Variants in CTNNA1 observed in about 807,000 individuals in gnomAD.
The protein encoded by CTNNA1 is catenin alpha-1.
CTNNA1 carries 37 observed loss-of-function variants against 98.4 expected under a neutral mutation model. The observed-to-expected ratio is 0.38, with a 90% CI of 0.29 to 0.49. CTNNA1 has a LOEUF of 0.49. CTNNA1 is among the 20% of genes least tolerant of loss of function. The probability of loss-of-function intolerance (pLI) is 0.95; values close to 1 mark genes in which losing one functional copy is unlikely to be tolerated. For missense variants in CTNNA1, 761 were observed against 1,147.2 expected (o/e 0.66, Z 4.86); for synonymous variants, 404 against 413.2 (o/e 0.98, Z 0.27).
In CTNNA1 at chr5:138,783,173, T is replaced by C. The variant is rs534196043; in HGVS notation, c.106-4T>C. The C allele has an allele frequency of 1.3e-6, 2 of 1,566,790 alleles. No individual in the cohort carries two copies. The highest frequency in any genetic ancestry group is 1.7e-6 in the Non-Finnish European group (2 of 1,155,742). ...CAGTTTAATGTTAAAAATGAAACTT[T>C]TAGGTTACAACCCTTGTAAACACCA... On this transcript the variant is annotated splice_polypyrimidine_tract_variant and splice_region_variant and intron_variant, in intron 2 of 17. Coordinates refer to ENST00000302763, the MANE Select transcript of CTNNA1 (RefSeq NM_001903.5).
In CTNNA1 at chr5:138,932,691, C is replaced by T. The variant is rs61759501; in HGVS notation, c.2412C>T (p.Gly804=). Residue 804 remains glycine, a synonymous_variant, in exon 17 of 18, where the codon GGC becomes GGT. Coordinates refer to ENST00000302763, the MANE Select transcript of CTNNA1 (RefSeq NM_001903.5). ...TCAAGGCCGAGGTGCAGAATCTCGG[C>T]GGGGAGCTTGTTGTCTCTGGGGTAA... ...SKVKAEVQNL[G]GELVVSGVDS... The T allele has an allele frequency of 1.2e-5, 19 of 1,613,948 alleles. No homozygotes were observed. Among genetic ancestry groups the T allele is most frequent in the South Asian group, 3.3e-5 (3 of 91,072 alleles).
rs1760993459 is a variant in CTNNA1 at position 138,828,972 on chromosome 5, A to T, written c.1062+1254A>T. On this transcript the variant is annotated intron_variant, in intron 7 of 17. Transcript: ENST00000302763. Reference sequence around the variant, plus strand: ...AATCCCATCTCTACAAAAAATACAAAAGTTAACTGGGCATGGTGGCGCACG... The same window carrying T: ...AATCCCATCTCTACAAAAAATACAATAGTTAACTGGGCATGGTGGCGCACG... Among the ~76,000 whole-genome samples the T allele has an allele frequency of 2.0e-5, 3 of 152,164 alleles. No individual in the cohort carries two copies. The South Asian group carries it at 6.2e-4, about 32-fold the overall frequency.
intron 1 of CTNNA1, among the ~76,000 whole-genome samples, chr5:138,755,520 C>T (rs1041919522): frequency 6.6e-6 from 1 of 152,194 alleles, no homozygotes; most frequent in African/African-American, 2.4e-5. Context: ...GTCCTCCACA[C>T]CACTGATGTG....
chr5:138,866,205 A>T (rs1355889228), intron 7 of CTNNA1, among the ~76,000 whole-genome samples: 6 of 152,140 alleles, frequency 3.9e-5, no homozygotes, highest in African/African-American at 1.4e-4. Context: ...TTAATTAATT[A>T]AAAATGGCTG....
chr5:138,892,495 C>T (rs997699251), intron 9 of CTNNA1, among the ~76,000 whole-genome samples: 2 of 151,244 alleles, frequency 1.3e-5, no homozygotes, highest in Admixed American at 6.6e-5. Flanking sequence ...CCTGCTGTCA[C>T]GCCTGGCCAT....
rs759843354 is a variant in CTNNA1 at position 138,873,031 on chromosome 5, T to C, written c.1063-13181T>C. The C allele has an allele frequency of 3.1e-6, 5 of 1,607,600 alleles. No individual in the cohort carries two copies. Among genetic ancestry groups the C allele is most frequent in the South Asian group, 2.2e-5 (2 of 89,860 alleles). On this transcript the variant is annotated intron_variant, in intron 7 of 17. Transcript: ENST00000302763. The surrounding 1 kb of genome is among the most constrained non-coding windows in gnomAD (Gnocchi z 6.1). ...GATATTATACTTCACATTCTTTGTA[T>C]GGCAGCTGCTGACACTTGCACTGTC... is the stretch of plus-strand genomic sequence containing the variant.
intron 3 of CTNNA1, among the ~76,000 whole-genome samples, chr5:138,787,319 G>T (rs989645604): frequency 6.6e-6 from 1 of 152,118 alleles, no homozygotes; most frequent in Non-Finnish European, 1.5e-5. Context: ...ATACCCAGCT[G>T]AGGCAGGAGA....
At chr5:138,831,497 G>T (rs1333328117) in intron 7 of CTNNA1, among the ~76,000 whole-genome samples, 1 of 152,148 alleles carries the variant, frequency 6.6e-6, no homozygotes, top group East Asian at 1.9e-4. Context: ...TGTTCTGCCT[G>T]CCCAGGCCAG....
chr5:138,841,057 C>G (rs1762225714), intron 7 of CTNNA1, among the ~76,000 whole-genome samples: 1 of 152,042 alleles, frequency 6.6e-6, no homozygotes, highest in Admixed American at 6.6e-5. Context: ...AAAGTTGCCT[C>G]TTTGGTTGAT....
intron 5 of CTNNA1, among the ~76,000 whole-genome samples, chr5:138,822,086 T>C (rs1760104475): frequency 6.6e-6 from 1 of 152,206 alleles, no homozygotes. Flanking sequence ...GATTAAAATA[T>C]ATCCCTCATA....
chr5:138,914,646 T>C (rs967482569), intron 10 of CTNNA1, among the ~76,000 whole-genome samples: 4 of 151,936 alleles, frequency 2.6e-5, no homozygotes, highest in African/African-American at 9.7e-5. Flanking sequence ...GAGTCGTCTT[T>C]AGTCTGTTTT....
Position 138,887,505 on chromosome 5 carries a change from A to C in CTNNA1, c.1159A>C (p.Met387Leu), listed in dbSNP as rs1754335959. 1 of 1,606,596 alleles carries C rather than the reference A, an allele frequency of 6.2e-7. No individual in the cohort carries two copies. Among genetic ancestry groups the C allele is most frequent in the Non-Finnish European group, 8.5e-7 (1 of 1,177,300 alleles). ...DLRRQLRKAV[M>L]DHVSDSFLET... is the part of the protein sequence containing the mutation. Reference sequence around the variant, plus strand: ...TAATCATTAGCTCCGCAAAGCTGTCATGGACCACGTTTCAGATTCTTTCCT... The same window carrying C: ...TAATCATTAGCTCCGCAAAGCTGTCCTGGACCACGTTTCAGATTCTTTCCT... Residue 387 changes from methionine to leucine, a missense_variant, in exon 9 of 18, where the codon ATG becomes CTG. Around this residue, in one of 6 missense-constraint regions of CTNNA1, gnomAD observed 287 missense variants for 436.0 expected, o/e 0.66. Coordinates refer to ENST00000302763, the MANE Select transcript of CTNNA1 (RefSeq NM_001903.5).
In CTNNA1 at chr5:138,934,170, T is replaced by TACA. The variant is rs1554118978; in HGVS notation, c.*85_*87dup. ...TCGTCACTCAAATGAATTTGCTAAA[T>TACA]ACAACACTGATACTAGATTCCACAG... On this transcript the variant is annotated 3_prime_UTR_variant, in exon 18 of 18. Transcript: ENST00000302763. The TACA allele has an allele frequency of 3.8e-6, 4 of 1,039,750 alleles. No individual in the cohort carries two copies. Among genetic ancestry groups the TACA allele is most frequent in the African/African-American group, 3.2e-5 (2 of 63,330 alleles). 64.4% of individuals were successfully genotyped at this position (1,039,750 alleles called of 1,614,324 possible).
chr5:138,758,279 G>T (rs1206951678), intron 1 of CTNNA1, among the ~76,000 whole-genome samples: 1 of 152,082 alleles, frequency 6.6e-6, no homozygotes. Flanking sequence ...TTGGCTCCCT[G>T]CAACCTCCGC....
At chr5:138,816,314 A>G (rs566113897) in intron 5 of CTNNA1, among the ~76,000 whole-genome samples, 1 of 152,302 alleles carries the variant, frequency 6.6e-6, no homozygotes, top group East Asian at 1.9e-4. Flanking sequence ...TATCTTGGCT[A>G]TTGTGAATAG....
intron 9 of CTNNA1, among the ~76,000 whole-genome samples, chr5:138,903,888 C>T (rs1758612950): frequency 6.6e-6 from 1 of 152,130 alleles, no homozygotes; most frequent in South Asian, 2.1e-4. Flanking sequence ...TTAAATTAAG[C>T]ATCTATTCCC....
chr5:138,925,456 G>T, intron 13 of CTNNA1, 49 bp downstream of exon 13: 1 of 1,594,434 alleles, frequency 6.3e-7, no homozygotes, highest in Non-Finnish European at 8.5e-7. Flanking sequence ...CTTATCATTT[G>T]CTAAACTTGA....
chr5:138,816,282 A>G (rs190722823), intron 5 of CTNNA1, among the ~76,000 whole-genome samples: 55 of 152,316 alleles, frequency 3.6e-4, no homozygotes, highest in African/African-American at 1.3e-3. Flanking sequence ...TTGTCTGTTG[A>G]TGGACACTTA....
rs571528960 is a variant in CTNNA1, at chr5:138,921,997, A to G, written c.1547-2513A>G. Among the ~76,000 whole-genome samples the G allele has an allele frequency of 2.0e-5, 3 of 152,060 alleles. No homozygotes were observed. The East Asian group carries it at 5.8e-4, about 29-fold the overall frequency. On this transcript the variant is annotated intron_variant, in intron 11 of 17. Transcript: ENST00000302763. ...TCATGTCACAGGGTAAATCCTCTAC[A>G]TAAAGTATGAAACATTGTTTTCATT...
Sources: gnomAD v4.1 joint callset for allele counts (sites outside exome capture counted in the v4.1 genomes callset) on GRCh38, gnomAD v4.1.1 for gene constraint, gnomAD v4.1.1 regional missense constraint, Gnocchi (gnomAD v3.1) non-coding constraint, MANE v1.5 for transcripts, NCBI Gene and HGNC (gene_info 2026-07-23, HGNC 2026-07-21) for gene names.